The following FKBP1B variants were observed in gnomAD, a reference collection of about 807,000 sequenced individuals.
The protein encoded by FKBP1B is peptidyl-prolyl cis-trans isomerase FKBP1B.
In FKBP1B, 4 loss-of-function variants were observed where a neutral mutation model predicts 13.5. The ratio of observed to expected loss-of-function variants is 0.30; its 90% CI spans 0.15 to 0.68. The LOEUF (loss-of-function observed/expected upper bound fraction) is 0.68, where lower values mean the gene tolerates loss of function less well. FKBP1B is among the 30% of genes least tolerant of loss of function. The pLI is 0.76. For synonymous variants in FKBP1B, 54 were observed against 53.6 expected, an observed-to-expected ratio of 1.01 and a Z score of -0.03; for missense variants, 93 against 136.2, an observed-to-expected ratio of 0.68 and a Z score of 1.58.
At chr2:24,035,829 G>A in the FKBP1B span, among the ~76,000 whole-genome samples, 1 of 151,886 alleles carries the variant, frequency 6.6e-6, no homozygotes, top group African/African-American at 2.4e-5. Flanking sequence ...TCAGCACTCT[G>A]GGAGGCCAAG....
intron 3 of FKBP1B, among the ~76,000 whole-genome samples, chr2:24,061,901 AC>A (rs1664409830): frequency 6.6e-6 from 1 of 151,484 alleles, no homozygotes; most frequent in East Asian, 1.9e-4. Flanking sequence ...AAAGAGTATC[AC>A]TCTGTCACCA....
At chr2:24,054,309 T>A (rs769767307) in intron 2 of FKBP1B, 5 of 417,238 alleles carry the variant, frequency 1.2e-5, no homozygotes, top group African/African-American at 2.0e-5. Flanking sequence ...AGACTTTCTC[T>A]CCATCCTGCA....
the FKBP1B span, chr2:24,037,850 G>T: frequency 6.2e-7 from 1 of 1,614,164 alleles, no homozygotes; most frequent in Non-Finnish European, 8.5e-7. Flanking sequence ...TTTTCACTTT[G>T]TAAGTTCTTT....
upstream of FKBP1B, among the ~76,000 whole-genome samples, chr2:24,045,631 G>GAGGAAGGAAGGAAGGAAGGAAGGAAGGA (rs4041250): frequency 9.4e-6 from 1 of 106,136 alleles, no homozygotes; most frequent in African/African-American, 4.8e-5. Flanking sequence ...GAGAGAGAGA[G>GAGGAAGGAAGGAAGGAAGGAAGGAAGGA]AGGAAGGAAG....
chr2:24,059,987 G>A (rs1181266751), intron 2 of FKBP1B, among the ~76,000 whole-genome samples: 1 of 151,884 alleles, frequency 6.6e-6, no homozygotes, highest in Non-Finnish European at 1.5e-5. Context: ...GGAAGGAAGG[G>A]GAGAACAGAG....
intron 1 of FKBP1B, among the ~76,000 whole-genome samples, chr2:24,051,521 C>T (rs1663874571): frequency 6.6e-6 from 1 of 152,138 alleles, no homozygotes. Context: ...TCCAGCTTTC[C>T]CAAGCTGCCT....
chr2:24,039,963 A>G, the FKBP1B span, among the ~76,000 whole-genome samples: 1 of 151,840 alleles, frequency 6.6e-6, no homozygotes, highest in East Asian at 1.9e-4. Context: ...AGGCCCAGCT[A>G]ATTTTTTTTT....
intron 2 of FKBP1B, among the ~76,000 whole-genome samples, chr2:24,058,956 T>C (rs1469860652): frequency 6.6e-6 from 1 of 152,206 alleles, no homozygotes; most frequent in Non-Finnish European, 1.5e-5. Context: ...TAAGACTGTT[T>C]CTCTAATATA....
chr2:24,049,527 A>C, upstream of FKBP1B: 1 of 284,310 alleles, frequency 3.5e-6, no homozygotes, highest in Non-Finnish European at 6.5e-6. Flanking sequence ...GAATGAATGG[A>C]TGGATGGAGG....
intron 3 of FKBP1B, among the ~76,000 whole-genome samples, chr2:24,061,499 TGG>T (rs1664393409): frequency 6.6e-6 from 1 of 152,172 alleles, no homozygotes; most frequent in Admixed American, 6.5e-5. Flanking sequence ...ACCAGTTGCC[TGG>T]GACTGAGGTA....
upstream of FKBP1B, among the ~76,000 whole-genome samples, chr2:24,046,453 T>C (rs1339990213): frequency 2.6e-5 from 4 of 152,312 alleles, no homozygotes; most frequent in African/African-American, 9.6e-5. Context: ...CTGGGTGTTT[T>C]AGGAGGGAAA....
chr2:24,045,216 T>C (rs1663574090), upstream of FKBP1B, among the ~76,000 whole-genome samples: 1 of 152,134 alleles, frequency 6.6e-6, no homozygotes, highest in Admixed American at 6.6e-5. Flanking sequence ...AGGATATAAG[T>C]AGTGAGGAGG....
chr2:24,051,073 C>G (rs1295327402), intron 1 of FKBP1B, among the ~76,000 whole-genome samples: 1 of 152,196 alleles, frequency 6.6e-6, no homozygotes, highest in Non-Finnish European at 1.5e-5. Flanking sequence ...CAGTGGCTCA[C>G]GCCTGTAATC....
upstream of FKBP1B, among the ~76,000 whole-genome samples, chr2:24,046,874 T>C (rs1292139477): frequency 1.3e-5 from 2 of 152,222 alleles, no homozygotes; most frequent in Non-Finnish European, 2.9e-5. Context: ...TCTAACATTA[T>C]ATATTAGCAT....
At chr2:24,062,881 G>A (rs1484437508) in intron 3 of FKBP1B, 183 bp from the exon 4 acceptor site, 2 of 840,186 alleles carry the variant, frequency 2.4e-6, no homozygotes, top group Admixed American at 2.4e-5. Flanking sequence ...CTCTGCTGAG[G>A]CAGAATCTGC....
At position 24,063,092 on chromosome 2, in the gene FKBP1B, C is replaced by A; in HGVS notation, c.227C>A (p.Thr76Asn). 6.2e-7 allele frequency: 1 copy of A among 1,614,166 alleles called. No individual in the cohort carries two copies. Among genetic ancestry groups the A allele is most frequent in the East Asian group, 2.2e-5 (1 of 44,884 alleles). Residue 76 changes from threonine to asparagine, a missense_variant, in exon 4 of 4, where the codon ACC becomes AAC. Transcript: ENST00000380986. The part of the protein sequence containing the change: ...QMSLGQRAKL[T>N]CTPDVAYGAT... Reference sequence around the variant, plus strand: ...AGCTTGGGGCAGAGGGCGAAGCTGACCTGCACCCCTGATGTGGCATATGGA... The same window carrying A: ...AGCTTGGGGCAGAGGGCGAAGCTGAACTGCACCCCTGATGTGGCATATGGA...
chr2:24,045,432 T>C (rs1403368513), upstream of FKBP1B, among the ~76,000 whole-genome samples: 2 of 150,568 alleles, frequency 1.3e-5, no homozygotes, highest in Non-Finnish European at 3.0e-5. Flanking sequence ...TGAAACCCTG[T>C]CTCTACTAAA....
the FKBP1B span, chr2:24,038,900 C>T: frequency 1.9e-6 from 3 of 1,614,084 alleles, no homozygotes; most frequent in Admixed American, 1.7e-5. Context: ...ACATCAAACA[C>T]CAGGCAGGAG....
chr2:24,035,425 C>A, the FKBP1B span, among the ~76,000 whole-genome samples: 1 of 151,858 alleles, frequency 6.6e-6, no homozygotes. Context: ...GGAGAACAGG[C>A]TGAAGAAACA....
Sources: gnomAD v4.1 joint callset for allele counts (sites outside exome capture counted in the v4.1 genomes callset) on GRCh38, gnomAD v4.1.1 for gene constraint, MANE v1.5 for transcripts, NCBI Gene and HGNC (gene_info 2026-07-23, HGNC 2026-07-21) for gene names.